PCDH9: variants seen among roughly 807,000 people sequenced by gnomAD.
PCDH9 encodes protocadherin-9.
A neutral mutation model predicts 70.6 loss-of-function variants in PCDH9; 24 were observed. That is an observed-to-expected ratio of 0.34 (90% CI 0.25 to 0.48). The LOEUF is 0.48. PCDH9 is among the 20% of genes least tolerant of loss of function. The probability of loss-of-function intolerance (pLI) is 0.99; values close to 1 mark genes in which losing one functional copy is unlikely to be tolerated. For missense variants in PCDH9, 1,281 were observed against 1,503.6 expected (o/e 0.85, Z 2.45); for synonymous variants, 562 against 558.5 (o/e 1.01, Z -0.09).
At chr13:66,752,447 C>A (rs1033927333) in intron 3 of PCDH9, among the ~76,000 whole-genome samples, 2 of 152,132 alleles carry the variant, frequency 1.3e-5, no homozygotes, top group African/African-American at 2.4e-5. Flanking sequence ...CAGGCACATG[C>A]CACCATGCTC....
intron 4 of PCDH9, among the ~76,000 whole-genome samples, chr13:66,610,290 A>AAG (rs895733859): frequency 6.9e-4 from 103 of 149,556 alleles, no homozygotes; most frequent in African/African-American, 2.2e-3. Context: ...CAGAGAGAGA[A>AAG]AGAGAGAGAG....
intron 4 of PCDH9, among the ~76,000 whole-genome samples, chr13:66,623,225 A>G (rs2077452977): frequency 6.6e-6 from 1 of 152,218 alleles, no homozygotes; most frequent in Non-Finnish European, 1.5e-5. Context: ...TGACCAACAC[A>G]TTGTGTTAAC....
intron 4 of PCDH9, among the ~76,000 whole-genome samples, chr13:66,498,345 G>A (rs1486385651): frequency 4.0e-5 from 6 of 151,622 alleles, no homozygotes; most frequent in Admixed American, 1.3e-4. Context: ...GGGTTTCACC[G>A]TGTTAGCCAG....
intron 3 of PCDH9, among the ~76,000 whole-genome samples, chr13:66,805,117 A>G (rs945877893): frequency 6.6e-6 from 1 of 152,182 alleles, no homozygotes; most frequent in African/African-American, 2.4e-5. Flanking sequence ...TATGTTCCTT[A>G]GGACTTTCAA....
intron 4 of PCDH9, among the ~76,000 whole-genome samples, chr13:66,425,910 A>G (rs1168162634): frequency 6.6e-6 from 1 of 151,684 alleles, no homozygotes; most frequent in Non-Finnish European, 1.5e-5. Flanking sequence ...TGAGGTCATT[A>G]TGAATTCTAA....
chr13:66,561,559 A>G lies in PCDH9; in HGVS notation c.3340+69651T>C, dbSNP rs182971236. On this transcript the variant is annotated intron_variant, in intron 4 of 4. Transcript: ENST00000377865. ...GTAAATACATCAATCGGCACTCTGT[A>G]TCTAGCTCAAGGTTTGTAAACACAC... Among the ~76,000 whole-genome samples, 872 of 152,278 alleles carry G rather than the reference A, an allele frequency of 5.7e-3. 6 individuals carry two copies. The highest frequency in any genetic ancestry group is 9.4e-3 in the Non-Finnish European group (639 of 68,016).
intron 4 of PCDH9, among the ~76,000 whole-genome samples, chr13:66,623,110 C>T (rs960689755): frequency 2.0e-5 from 3 of 152,168 alleles, no homozygotes; most frequent in African/African-American, 4.8e-5. Context: ...CCAGACACGC[C>T]GCCTTTAAGA....
At chr13:66,967,551 C>T (rs2083450546) in intron 2 of PCDH9, among the ~76,000 whole-genome samples, 1 of 151,938 alleles carries the variant, frequency 6.6e-6, no homozygotes, top group African/African-American at 2.4e-5. Flanking sequence ...TTGAGACATA[C>T]ATGCATATTT....
intron 4 of PCDH9, among the ~76,000 whole-genome samples, chr13:66,317,239 G>A (rs1044427198): frequency 6.6e-6 from 1 of 152,092 alleles, no homozygotes; most frequent in Non-Finnish European, 1.5e-5. Flanking sequence ...TTAGCACTGA[G>A]CCTCAGACTG....
At chr13:66,435,887 G>A (rs1426897589) in intron 4 of PCDH9, among the ~76,000 whole-genome samples, 2 of 152,020 alleles carry the variant, frequency 1.3e-5, no homozygotes. Flanking sequence ...TTTCTCTAGA[G>A]CCCTCACATT....
Position 66,507,826 on chromosome 13 carries a change from A to G in PCDH9, c.3340+123384T>C, listed in dbSNP as rs374043020. On this transcript the variant is annotated intron_variant, in intron 4 of 4. Transcript: ENST00000377865. ...AACTTCCACCTCCGGGCTTCAAGCAATTCTCCTGCCTCAGCCTCCTGAGTA... is the reference window on the plus strand; with the variant it reads ...AACTTCCACCTCCGGGCTTCAAGCAGTTCTCCTGCCTCAGCCTCCTGAGTA... Among the ~76,000 whole-genome samples, 13 of 152,168 alleles carry G rather than the reference A, an allele frequency of 8.5e-5. No homozygotes were observed. In the East Asian group the frequency reaches 1.7e-3, roughly 20 times the overall value.
At chr13:66,870,311 T>C (rs2081653315) in intron 3 of PCDH9, among the ~76,000 whole-genome samples, 1 of 152,142 alleles carries the variant, frequency 6.6e-6, no homozygotes, top group Non-Finnish European at 1.5e-5. Flanking sequence ...TACCATGCTG[T>C]TTTGGTTACT....
chr13:66,954,909 G>A (rs1349535614), intron 2 of PCDH9, among the ~76,000 whole-genome samples: 6 of 152,214 alleles, frequency 3.9e-5, no homozygotes, highest in African/African-American at 9.6e-5. Context: ...GACTACAGGC[G>A]CCTGCCTCCA....
chr13:66,379,620 C>A (rs917952195), intron 4 of PCDH9, among the ~76,000 whole-genome samples: 3 of 152,076 alleles, frequency 2.0e-5, no homozygotes, highest in Admixed American at 6.6e-5. Flanking sequence ...GTAATGCTTA[C>A]AAAGCTCTGA....
At chr13:67,090,647 G>A (rs574377584) in intron 2 of PCDH9, among the ~76,000 whole-genome samples, 2 of 151,624 alleles carry the variant, frequency 1.3e-5, no homozygotes, top group Non-Finnish European at 2.9e-5. Flanking sequence ...TATGTAAAAT[G>A]ACAATGAAGT....
intron 2 of PCDH9, among the ~76,000 whole-genome samples, chr13:66,955,310 AG>A (rs1357860141): frequency 6.6e-6 from 1 of 152,218 alleles, no homozygotes; most frequent in Non-Finnish European, 1.5e-5. Context: ...TATTTATTAG[AG>A]CATTAAAATT....
intron 4 of PCDH9, among the ~76,000 whole-genome samples, chr13:66,392,572 T>G (rs1283657371): frequency 6.6e-6 from 1 of 152,166 alleles, no homozygotes; most frequent in East Asian, 1.9e-4. Flanking sequence ...TAAAACAGTG[T>G]TGTTTGCCAC....
chr13:66,455,977 T>G (rs892883243), intron 4 of PCDH9, among the ~76,000 whole-genome samples: 2 of 152,124 alleles, frequency 1.3e-5, no homozygotes, highest in African/African-American at 4.8e-5. Flanking sequence ...ATATAAACGA[T>G]GTCGCATGAA....
intron 3 of PCDH9, among the ~76,000 whole-genome samples, chr13:66,805,025 A>G (rs1397212081): frequency 6.6e-6 from 1 of 152,256 alleles, no homozygotes; most frequent in African/African-American, 2.4e-5. Context: ...GTAGTTTGGT[A>G]GGAAGATAAG....
Sources: gnomAD v4.1 joint callset for allele counts (sites outside exome capture counted in the v4.1 genomes callset) on GRCh38, gnomAD v4.1.1 for gene constraint, MANE v1.5 for transcripts, NCBI Gene and HGNC (gene_info 2026-07-23, HGNC 2026-07-21) for gene names.